STPG2: variants seen among roughly 807,000 people sequenced by gnomAD.
STPG2 encodes sperm-tail PG-rich repeat-containing protein 2.
In STPG2, 56 loss-of-function variants were observed where a neutral mutation model predicts 54.2. The observed-to-expected ratio is 1.03, with a 90% CI of 0.83 to 1.29. STPG2 has a LOEUF of 1.29. Among genes scored for constraint, STPG2 ranks in the 50% most tolerant of loss-of-function variants. STPG2 has a pLI of 0.00. For missense variants in STPG2, 596 were observed against 544.9 expected, an observed-to-expected ratio of 1.09 and a Z score of -0.93; for synonymous variants, 200 against 181.8, an observed-to-expected ratio of 1.10 and a Z score of -0.81.
At chr4:98,123,585 C>A (rs143323359) in intron 3 of STPG2, among the ~76,000 whole-genome samples, 302 of 152,212 alleles carry the variant, frequency 2.0e-3, no homozygotes, top group African/African-American at 7.2e-3. Flanking sequence ...TTTTCATTTG[C>A]TCAGGAGTGT....
intron 9 of STPG2, among the ~76,000 whole-genome samples, chr4:97,829,452 A>G (rs1350866278): frequency 6.6e-6 from 1 of 152,170 alleles, no homozygotes; most frequent in African/African-American, 2.4e-5. Context: ...TCCAAAAACC[A>G]GAACATCTCT....
At chr4:97,647,616 A>T (rs1272245191) in intron 10 of STPG2, among the ~76,000 whole-genome samples, 1 of 152,074 alleles carries the variant, frequency 6.6e-6, no homozygotes, top group East Asian at 1.9e-4. Flanking sequence ...CTTGGAGTCA[A>T]GGTCCCAAAA....
chr4:98,092,682 G>C (rs961674468), intron 5 of STPG2, among the ~76,000 whole-genome samples: 5 of 151,658 alleles, frequency 3.3e-5, no homozygotes, highest in Admixed American at 2.0e-4. Context: ...ATCTATATTA[G>C]TAAATTATTT....
intron 8 of STPG2, among the ~76,000 whole-genome samples, chr4:97,936,034 A>G (rs1474089377): frequency 6.6e-6 from 1 of 152,176 alleles, no homozygotes; most frequent in Non-Finnish European, 1.5e-5. Context: ...TAGGTCTCTA[A>G]GAACTTGCTT....
At chr4:98,025,690 C>A in intron 5 of STPG2, 1 of 1,205,158 alleles carries the variant, frequency 8.3e-7, no homozygotes, top group Non-Finnish European at 1.2e-6. Flanking sequence ...ATTGTACTGG[C>A]CTCCTGCTGG....
intron 8 of STPG2, among the ~76,000 whole-genome samples, chr4:97,843,094 G>C (rs1728849674): frequency 6.6e-6 from 1 of 151,786 alleles, no homozygotes; most frequent in African/African-American, 2.4e-5. Flanking sequence ...CAAATTTGTT[G>C]GCGATTCTTT....
At chr4:97,546,881 T>C (rs1382543224) in intron 4 of STPG2, among the ~76,000 whole-genome samples, 1 of 152,184 alleles carries the variant, frequency 6.6e-6, no homozygotes, top group Non-Finnish European at 1.5e-5. Context: ...GCAGTCATAC[T>C]ACAATGTGAG....
intron 4 of STPG2, among the ~76,000 whole-genome samples, chr4:97,512,651 G>A (rs115690885): frequency 7.9e-4 from 120 of 152,104 alleles, no homozygotes; most frequent in African/African-American, 2.6e-3. Flanking sequence ...AAAGATAGGG[G>A]TGGGAGGAAG....
intron 9 of STPG2, among the ~76,000 whole-genome samples, chr4:97,824,612 AC>A (rs1289489028): frequency 6.6e-6 from 1 of 152,108 alleles, no homozygotes; most frequent in Non-Finnish European, 1.5e-5. Flanking sequence ...TGGGAGCTTG[AC>A]CTTGTAACCA....
At chr4:97,670,346 C>A (rs1248991840) in intron 10 of STPG2, among the ~76,000 whole-genome samples, 1 of 151,924 alleles carries the variant, frequency 6.6e-6, no homozygotes, top group Non-Finnish European at 1.5e-5. Context: ...CAAAAAGATT[C>A]CATAATTTTC....
At chr4:98,118,259 G>A (rs28802909) in intron 3 of STPG2, among the ~76,000 whole-genome samples, 60,041 of 151,804 alleles carry the variant, frequency 0.4, 12,114 homozygotes, top group Middle Eastern at 0.46. Context: ...ATGCTCAAGC[G>A]GTCAATTTAC....
chr4:97,602,765 T>C (rs1733496728), intron 10 of STPG2, among the ~76,000 whole-genome samples: 1 of 151,786 alleles, frequency 6.6e-6, no homozygotes, highest in Non-Finnish European at 1.5e-5. Flanking sequence ...TATCTTAGTC[T>C]GTACAAGGAT....
rs147086356 is a variant in STPG2 at position 97,579,862 on chromosome 4, T to A, written c.1321-20745A>T. ...ATTTTACAATTGACCAAATCTTTTA[T>A]TGAAACCACTAATCCCATAAGTTGT... On this transcript the variant is annotated intron_variant, in intron 10 of 10. Coordinates refer to ENST00000295268, the MANE Select transcript of STPG2 (RefSeq NM_174952.3). 4.1e-3 allele frequency among the ~76,000 whole-genome samples: 628 copies of A among 152,168 alleles called. 3 individuals are homozygous for A. The highest frequency in any genetic ancestry group is 0.014 in the African/African-American group (600 of 41,560).
intron 5 of STPG2, among the ~76,000 whole-genome samples, chr4:97,994,431 C>T (rs558939185): frequency 4.6e-5 from 7 of 152,234 alleles, no homozygotes; most frequent in South Asian, 4.1e-4. Flanking sequence ...ATGAACAGAA[C>T]GTATATTCTG....
intron 9 of STPG2, among the ~76,000 whole-genome samples, chr4:97,750,049 C>T (rs1248940175): frequency 6.6e-6 from 1 of 151,726 alleles, no homozygotes; most frequent in East Asian, 1.9e-4. Context: ...AATACAAATG[C>T]TATTTGCATA....
intron 10 of STPG2, among the ~76,000 whole-genome samples, chr4:97,564,543 A>T (rs1255939499): frequency 6.6e-6 from 1 of 152,124 alleles, no homozygotes; most frequent in Non-Finnish European, 1.5e-5. Flanking sequence ...GGTCTTTACA[A>T]TTTGGCATGA....
chr4:97,557,113 G>A (rs910636540), downstream of STPG2, among the ~76,000 whole-genome samples: 22 of 152,060 alleles, frequency 1.4e-4, no homozygotes, highest in Admixed American at 3.9e-4. Flanking sequence ...CCTGGGAGGC[G>A]GAGGTTGCAG....
intron 10 of STPG2, among the ~76,000 whole-genome samples, chr4:97,672,314 C>A (rs1336946417): frequency 1.3e-5 from 2 of 150,814 alleles, no homozygotes; most frequent in Non-Finnish European, 2.9e-5. Context: ...GCTAGGATTA[C>A]AAGCATGCAC....
At chr4:97,596,857 C>A (rs184621520) in intron 10 of STPG2, among the ~76,000 whole-genome samples, 1 of 151,694 alleles carries the variant, frequency 6.6e-6, no homozygotes, top group Admixed American at 6.6e-5. Context: ...TTTAAAGGAG[C>A]TAGAGAAACA....
Sources: gnomAD v4.1 joint callset for allele counts (sites outside exome capture counted in the v4.1 genomes callset) on GRCh38, gnomAD v4.1.1 for gene constraint, MANE v1.5 for transcripts, NCBI Gene and HGNC (gene_info 2026-07-23, HGNC 2026-07-21) for gene names.